Variants in PRR16 observed in about 807,000 individuals in gnomAD.
PRR16 encodes the protein protein Largen.
A neutral mutation model predicts 18.2 loss-of-function variants in PRR16; 6 were observed. The observed-to-expected ratio is 0.33, with a 90% CI of 0.18 to 0.65. The LOEUF (loss-of-function observed/expected upper bound fraction) is 0.65. Among genes scored for constraint, PRR16 ranks in the 30% least tolerant of loss-of-function variants. The pLI is 0.74. For missense variants in PRR16, 412 were observed against 376.6 expected (o/e 1.09, Z -0.78); for synonymous variants, 151 against 147.8 (o/e 1.02, Z -0.16).
At chr5:120,786,569 A>G in the PRR16 span, among the ~76,000 whole-genome samples, 25 of 149,090 alleles carry the variant, frequency 1.7e-4, no homozygotes, top group Non-Finnish European at 3.6e-4. Flanking sequence ...ATTTTATAAA[A>G]TATATTTCAA....
At chr5:120,665,012 G>A (rs1007700791) in intron 1 of PRR16, among the ~76,000 whole-genome samples, 10 of 151,360 alleles carry the variant, frequency 6.6e-5, no homozygotes, top group African/African-American at 1.9e-4. Context: ...TCTAGTTCTA[G>A]ATCCCTGAGG....
At position 120,643,189 on chromosome 5, in the gene PRR16, A is replaced by G. The variant is rs528743573; in HGVS notation, c.160-42765A>G. ...CAAAGAAGAGACATACAGGTTTTCT[A>G]AAAAAAAACAAAACAAAACTCTATC... On this transcript the variant is annotated intron_variant, in intron 1 of 1. Transcript: ENST00000407149. Among the ~76,000 whole-genome samples the G allele has an allele frequency of 4.8e-4, 53 of 110,066 alleles. 1 individual carries two copies. Among genetic ancestry groups the G allele is most frequent in the Middle Eastern group, 5.5e-3 (1 of 182 alleles). The allele number at this position is 110,066 out of a possible 152,430, so 72.2% of individuals were successfully genotyped here.
the PRR16 span, among the ~76,000 whole-genome samples, chr5:120,774,699 T>C: frequency 1.3e-5 from 2 of 152,188 alleles, no homozygotes; most frequent in East Asian, 3.8e-4. Context: ...CTATATGTGA[T>C]TTTTAAAATA....
At chr5:120,726,326 G>T in the PRR16 span, among the ~76,000 whole-genome samples, 10 of 152,042 alleles carry the variant, frequency 6.6e-5, no homozygotes, top group Non-Finnish European at 1.2e-4. Context: ...TAAGCCTTCT[G>T]TGGCAGTGCA....
intron 1 of PRR16, among the ~76,000 whole-genome samples, chr5:120,575,746 G>T (rs964662709): frequency 2.0e-5 from 3 of 152,152 alleles, no homozygotes; most frequent in Non-Finnish European, 2.9e-5. Flanking sequence ...AATAAGATAA[G>T]TATCCCCACT....
chr5:120,574,231 T>G (rs1753003296), intron 1 of PRR16, among the ~76,000 whole-genome samples: 1 of 152,104 alleles, frequency 6.6e-6, no homozygotes, highest in African/African-American at 2.4e-5. Context: ...TTTGAGAATA[T>G]AATAATTGCA....
At chr5:120,578,150 T>TATTAA (rs1753141423) in intron 1 of PRR16, among the ~76,000 whole-genome samples, 4 of 152,210 alleles carry the variant, frequency 2.6e-5, no homozygotes, top group Non-Finnish European at 5.9e-5. Flanking sequence ...AAGCAGTTTT[T>TATTAA]CCCCAGTTAA....
intron 1 of PRR16, among the ~76,000 whole-genome samples, chr5:120,670,571 T>C (rs942512896): frequency 1.3e-5 from 2 of 152,212 alleles, no homozygotes. Flanking sequence ...TCACGTATTC[T>C]GGATGATTAA....
the PRR16 span, among the ~76,000 whole-genome samples, chr5:120,700,129 T>G: frequency 6.6e-6 from 1 of 152,122 alleles, no homozygotes; most frequent in African/African-American, 2.4e-5. Context: ...GGAGAGTATA[T>G]GGGTTTGGCA....
intron 1 of PRR16, among the ~76,000 whole-genome samples, chr5:120,539,497 A>G (rs1751836742): frequency 6.6e-6 from 1 of 152,104 alleles, no homozygotes; most frequent in Admixed American, 6.5e-5. Flanking sequence ...TTTATATGTT[A>G]TCTTCAGGAA....
At chr5:120,487,800 T>G (rs1034902517) in intron 1 of PRR16, among the ~76,000 whole-genome samples, 5 of 152,220 alleles carry the variant, frequency 3.3e-5, no homozygotes, top group Non-Finnish European at 5.9e-5. Flanking sequence ...TAGATAGCTC[T>G]TATTATTTTG....
At chr5:120,747,904 A>G in the PRR16 span, among the ~76,000 whole-genome samples, 2 of 152,138 alleles carry the variant, frequency 1.3e-5, no homozygotes, top group Non-Finnish European at 2.9e-5. Context: ...AGTTCCAAAA[A>G]ATTAGAAAAT....
At chr5:120,586,966 G>T (rs192460217) in intron 1 of PRR16, among the ~76,000 whole-genome samples, 129 of 152,262 alleles carry the variant, frequency 8.5e-4, no homozygotes, top group African/African-American at 3.0e-3. Flanking sequence ...GATTCTTGAA[G>T]AAAATTAAAA....
the PRR16 span, among the ~76,000 whole-genome samples, chr5:120,714,576 A>G: frequency 1.3e-5 from 2 of 152,202 alleles, no homozygotes; most frequent in Non-Finnish European, 2.9e-5. Context: ...AGAAGACAGT[A>G]TGGTGATTCC....
chr5:120,604,942 C>G (rs1039235735), intron 1 of PRR16, among the ~76,000 whole-genome samples: 3 of 152,134 alleles, frequency 2.0e-5, no homozygotes, highest in African/African-American at 7.2e-5. Context: ...TAACCTGTCC[C>G]TTCTCTGTCG....
the PRR16 span, among the ~76,000 whole-genome samples, chr5:120,785,505 A>AGAT: frequency 6.7e-6 from 1 of 150,174 alleles, no homozygotes; most frequent in Non-Finnish European, 1.5e-5. Flanking sequence ...TTTTTCTATC[A>AGAT]GATTAATTAT....
intron 1 of PRR16, among the ~76,000 whole-genome samples, chr5:120,571,553 G>A (rs902207023): frequency 4.6e-5 from 7 of 151,956 alleles, no homozygotes; most frequent in African/African-American, 1.7e-4. Context: ...TCAAAAGGGT[G>A]GTATATTTTT....
At chr5:120,591,788 T>C (rs1232466852) in intron 1 of PRR16, among the ~76,000 whole-genome samples, 1 of 152,106 alleles carries the variant, frequency 6.6e-6, no homozygotes, top group Non-Finnish European at 1.5e-5. Flanking sequence ...ATGGTAAGGA[T>C]AATTTTAAAA....
chr5:120,494,613 TA>T (rs1561516031), intron 1 of PRR16, among the ~76,000 whole-genome samples: 1 of 152,174 alleles, frequency 6.6e-6, no homozygotes, highest in Non-Finnish European at 1.5e-5. Flanking sequence ...GTTTTAAATT[TA>T]ATGAAGTTCA....
Sources: gnomAD v4.1 joint callset for allele counts (sites outside exome capture counted in the v4.1 genomes callset) on GRCh38, gnomAD v4.1.1 for gene constraint, MANE v1.5 for transcripts, NCBI Gene and HGNC (gene_info 2026-07-23, HGNC 2026-07-21) for gene names.